The following SDC2 variants were observed in gnomAD, a reference collection of about 807,000 sequenced individuals.
The protein encoded by SDC2 is syndecan 2.
A neutral mutation model predicts 22.2 loss-of-function variants in SDC2; 13 were observed. That is an observed-to-expected ratio of 0.59 (90% CI 0.38 to 0.93). SDC2 has a LOEUF of 0.93. SDC2 is among the 40% of genes least tolerant of loss of function. The pLI, the probability that SDC2 is intolerant of heterozygous loss-of-function variation, is 0.00. For synonymous variants in SDC2, 94 were observed against 92.8 expected (o/e 1.01, Z -0.07); for missense variants, 235 against 246.8 (o/e 0.95, Z 0.32).
chr8:96,532,661 C>G (rs761066604), intron 1 of SDC2, among the ~76,000 whole-genome samples: 1 of 151,982 alleles, frequency 6.6e-6, no homozygotes, highest in Non-Finnish European at 1.5e-5. Context: ...CACCCCCATC[C>G]CCCCAAAAAA....
At chr8:96,495,262 G>A (rs1109362) in intron 1 of SDC2, among the ~76,000 whole-genome samples, 38,194 of 152,150 alleles carry the variant, frequency 0.25, 5,064 homozygotes, top group African/African-American at 0.33. Context: ...TCTCGTCTCC[G>A]GCGGAGCGCC....
intron 1 of SDC2, among the ~76,000 whole-genome samples, chr8:96,581,653 A>G (rs890335762): frequency 6.6e-6 from 1 of 152,018 alleles, no homozygotes; most frequent in Non-Finnish European, 1.5e-5. Flanking sequence ...AAAAGGTAAA[A>G]GAGTACTATA....
Position 96,494,136 on chromosome 8 carries a change from T to TCCCCGAGCCTGAGC in SDC2, c.-134_-121dup. ...AGCGCCCCCGAGCCCCGAGCCCGAG[T>TCCCCGAGCCTGAGC]CCCCGAGCCTGAGCCGCAATCGCTG... On this transcript the variant is annotated 5_prime_UTR_variant, in exon 1 of 5. Coordinates refer to ENST00000302190, the MANE Select transcript of SDC2 (RefSeq NM_002998.4). 2.4e-6 allele frequency: 2 copies of TCCCCGAGCCTGAGC among 843,236 alleles called. No individual in the cohort carries two copies. The highest frequency in any genetic ancestry group is 3.5e-6 in the Non-Finnish European group (2 of 568,414). The allele number at this position is 843,236 out of a possible 1,614,324, so 52.2% of individuals were successfully genotyped here. A position where few individuals can be genotyped will look rare whatever the true frequency, so the allele number is the denominator to read the frequency against.
chr8:96,501,832 G>A (rs1813170726), intron 1 of SDC2, among the ~76,000 whole-genome samples: 1 of 152,110 alleles, frequency 6.6e-6, no homozygotes, highest in Admixed American at 6.5e-5. Context: ...TGTGGTAGGA[G>A]AAATGTGAAG....
chr8:96,518,393 C>T (rs1292592390), intron 1 of SDC2, among the ~76,000 whole-genome samples: 1 of 143,160 alleles, frequency 7.0e-6, no homozygotes, highest in Non-Finnish European at 1.5e-5. Context: ...CAGAGTCTCT[C>T]TCTGTCACGC....
intron 2 of SDC2, 55 bp downstream of exon 2, chr8:96,593,646 A>G: frequency 8.9e-7 from 1 of 1,126,298 alleles, no homozygotes; most frequent in Non-Finnish European, 1.3e-6. Flanking sequence ...GCACGCACAC[A>G]CATTTTACTG....
intron 1 of SDC2, among the ~76,000 whole-genome samples, chr8:96,592,293 C>T (rs1814794193): frequency 6.6e-6 from 1 of 152,172 alleles, no homozygotes. Flanking sequence ...GAGGGTTGGA[C>T]CTGTCCTCTT....
chr8:96,580,616 G>A (rs1436618611), intron 1 of SDC2: 13 of 761,898 alleles, frequency 1.7e-5, no homozygotes, highest in Non-Finnish European at 2.1e-5. Flanking sequence ...AGAAACATTG[G>A]TCCCATCCTC....
chr8:96,499,091 T>C (rs1045451768), intron 1 of SDC2, among the ~76,000 whole-genome samples: 1 of 152,164 alleles, frequency 6.6e-6, no homozygotes, highest in Admixed American at 6.5e-5. Context: ...CCTTGATCAC[T>C]TTCCACCACA....
At chr8:96,496,902 G>A (rs1586263830) in intron 1 of SDC2, among the ~76,000 whole-genome samples, 1 of 152,302 alleles carries the variant, frequency 6.6e-6, no homozygotes, top group Non-Finnish European at 1.5e-5. Flanking sequence ...ACTTTCCACT[G>A]GCAGGTTAGG....
intron 1 of SDC2, among the ~76,000 whole-genome samples, chr8:96,539,330 T>G (rs1382282300): frequency 6.6e-6 from 1 of 152,216 alleles, no homozygotes; most frequent in Non-Finnish European, 1.5e-5. Context: ...TCTTCAAACA[T>G]TTTTGGGTAC....
chr8:96,534,035 C>A (rs776380984), intron 1 of SDC2, among the ~76,000 whole-genome samples: 6 of 152,198 alleles, frequency 3.9e-5, no homozygotes, highest in African/African-American at 1.4e-4. Context: ...GTGCACCCTC[C>A]GCTGCTGCTG....
chr8:96,583,244 A>G (rs1814620517), intron 1 of SDC2, among the ~76,000 whole-genome samples: 1 of 148,304 alleles, frequency 6.7e-6, no homozygotes, highest in Non-Finnish European at 1.5e-5. Context: ...GAGTCACTGC[A>G]CCCAGCTCAT....
At chr8:96,600,530 C>A (rs2130649280) in intron 2 of SDC2, among the ~76,000 whole-genome samples, 1 of 152,302 alleles carries the variant, frequency 6.6e-6, no homozygotes, top group South Asian at 2.1e-4. Context: ...GTTAGGCACT[C>A]AGGGGCCTAT....
At chr8:96,582,079 TG>T (rs1814598995) in intron 1 of SDC2, among the ~76,000 whole-genome samples, 14 of 152,228 alleles carry the variant, frequency 9.2e-5, no homozygotes, top group Admixed American at 9.2e-4. Flanking sequence ...CTTCATTTCC[TG>T]GGGAATTTCA....
At chr8:96,557,985 A>C (rs1239206921) in intron 1 of SDC2, among the ~76,000 whole-genome samples, 1 of 152,146 alleles carries the variant, frequency 6.6e-6, no homozygotes, top group African/African-American at 2.4e-5. Context: ...GGGTGTGTCT[A>C]ACCCATGTCT....
At chr8:96,604,462 C>G (rs1427044685) in intron 3 of SDC2, among the ~76,000 whole-genome samples, 2 of 152,142 alleles carry the variant, frequency 1.3e-5, no homozygotes, top group Non-Finnish European at 2.9e-5. Context: ...ATGTGTCGAA[C>G]ACTGTTTGCA....
intron 2 of SDC2, among the ~76,000 whole-genome samples, chr8:96,596,790 A>G (rs1290537515): frequency 3.3e-5 from 5 of 152,264 alleles, no homozygotes. Flanking sequence ...TAAAGGAAAC[A>G]AAAGCCATGA....
intron 2 of SDC2, among the ~76,000 whole-genome samples, chr8:96,602,007 C>T (rs1209013640): frequency 6.6e-6 from 1 of 152,114 alleles, no homozygotes; most frequent in African/African-American, 2.4e-5. Flanking sequence ...ATCCGCTCTC[C>T]TCGGCCTCCC....
Sources: allele counts gnomAD v4.1 joint callset (sites outside exome capture counted in the v4.1 genomes callset), GRCh38; gene constraint gnomAD v4.1.1; transcripts MANE v1.5; gene names NCBI Gene and HGNC (gene_info 2026-07-23, HGNC 2026-07-21).